The following EIPR1 variants were observed in gnomAD, a reference collection of about 807,000 sequenced individuals.
EIPR1 encodes the protein EARP complex and GARP complex interacting protein 1.
A neutral mutation model predicts 48.1 loss-of-function variants in EIPR1; 25 were observed. The observed-to-expected ratio is 0.52, with a 90% CI of 0.38 to 0.73. EIPR1 has a LOEUF of 0.73. Ranked by LOEUF, EIPR1 falls within the 30% of genes least tolerant of loss-of-function variation. The pLI, the probability that EIPR1 is intolerant of heterozygous loss-of-function variation, is 0.00. For synonymous variants in EIPR1, 204 were observed against 201.9 expected (o/e 1.01, Z -0.09); for missense variants, 415 against 506.2 (o/e 0.82, Z 1.73).
chr2:3,374,845 A>G (rs1185961199), intron 1 of EIPR1, among the ~76,000 whole-genome samples: 17 of 148,114 alleles, frequency 1.1e-4, no homozygotes, highest in Non-Finnish European at 1.6e-4. Context: ...ATCTAGAACC[A>G]GAAATACCAT....
chr2:3,208,725 G>A (rs753551477), intron 5 of EIPR1: 1 of 1,548,614 alleles, frequency 6.5e-7, no homozygotes, highest in South Asian at 1.2e-5. Context: ...TTCCATGCGT[G>A]AGGCTCGTGG....
rs1659957302 is a variant in EIPR1 at position 3,377,776 on chromosome 2, C to T, written c.-87G>A. ...CGTCCCCACCTCGCGGGCGTGTTCC[C>T]AGCGCCCATTCATTCCCTCCCCGCA... On this transcript the variant is annotated 5_prime_UTR_variant, in exon 1 of 9. It introduces an in-frame stop codon into an upstream open reading frame of the 5' UTR. Transcript: ENST00000382125. The T allele has an allele frequency of 8.0e-6, 12 of 1,496,884 alleles. No homozygotes were observed. In the South Asian group the frequency reaches 1.2e-4, roughly 15 times the overall value. 92.7% of individuals were successfully genotyped at this position (1,496,884 alleles called of 1,614,324 possible).
At chr2:3,257,727 A>G (rs1036766074) in intron 3 of EIPR1, among the ~76,000 whole-genome samples, 6 of 152,144 alleles carry the variant, frequency 3.9e-5, no homozygotes, top group African/African-American at 1.4e-4. Context: ...AATTTCCTCA[A>G]AATCGATTTC....
At chr2:3,367,071 T>C (rs1438030548) in intron 1 of EIPR1, among the ~76,000 whole-genome samples, 1 of 137,122 alleles carries the variant, frequency 7.3e-6, no homozygotes, top group Non-Finnish European at 1.6e-5. Flanking sequence ...TAAAAATAAA[T>C]TAAAAATAAA....
chr2:3,257,330 G>T lies in EIPR1; in HGVS notation c.385C>A (p.Leu129Ile). 1 of 1,614,118 alleles carries T rather than the reference G, an allele frequency of 6.2e-7. No homozygotes were observed. Among genetic ancestry groups the T allele is most frequent in the Non-Finnish European group, 8.5e-7 (1 of 1,179,976 alleles). ...TAQTLELLCH[L>I]DNTAHGNMAC... ...ATGTTGCCATGGGCTGTGTTGTCAAGGTGACAGAGCAGCTCCAGGGTCTGT... is the reference window on the plus strand; with the variant it reads ...ATGTTGCCATGGGCTGTGTTGTCAATGTGACAGAGCAGCTCCAGGGTCTGT... Residue 129 changes from leucine (L) to isoleucine (I), a missense_variant, in exon 4 of 9, where the codon CTT becomes ATT. Coordinates refer to ENST00000382125, the MANE Select transcript of EIPR1 (RefSeq NM_003310.5).
chr2:3,231,045 T>G (rs914740474), intron 4 of EIPR1, among the ~76,000 whole-genome samples: 3 of 152,218 alleles, frequency 2.0e-5, no homozygotes, highest in Non-Finnish European at 2.9e-5. Flanking sequence ...TATAGTTTTC[T>G]GTGTACAGAT....
At chr2:3,322,970 C>A (rs1443629931) in intron 3 of EIPR1, among the ~76,000 whole-genome samples, 1 of 152,108 alleles carries the variant, frequency 6.6e-6, no homozygotes, top group Non-Finnish European at 1.5e-5. Flanking sequence ...GTCGCCACAG[C>A]CAATATATAA....
chr2:3,278,405 T>C (rs1558268713), intron 3 of EIPR1, among the ~76,000 whole-genome samples: 1 of 152,118 alleles, frequency 6.6e-6, no homozygotes, highest in Non-Finnish European at 1.5e-5. Context: ...GAACCTGCCT[T>C]TAACCTGTGG....
intron 2 of EIPR1, among the ~76,000 whole-genome samples, chr2:3,349,144 C>T (rs1670492880): frequency 6.6e-6 from 1 of 152,238 alleles, no homozygotes; most frequent in Admixed American, 6.5e-5. Context: ...CAGAGCTGAA[C>T]TGCAAATTCA....
At chr2:3,204,530 G>A (rs1039905075) in intron 5 of EIPR1, among the ~76,000 whole-genome samples, 5 of 152,270 alleles carry the variant, frequency 3.3e-5, no homozygotes, top group Non-Finnish European at 5.9e-5. Context: ...TCTGTTTTTC[G>A]ACATTAAAGA....
intron 1 of EIPR1, among the ~76,000 whole-genome samples, chr2:3,370,970 G>A (rs1351512758): frequency 6.6e-6 from 1 of 152,210 alleles, no homozygotes; most frequent in Non-Finnish European, 1.5e-5. Flanking sequence ...AGGAAAAAAT[G>A]TTAAGCGCAG....
At position 3,284,989 on chromosome 2, in the gene EIPR1, C is replaced by T. The variant is rs141976757; in HGVS notation, c.260-27534G>A. On this transcript the variant is annotated intron_variant, in intron 3 of 8. Transcript: ENST00000382125. ...GACGTGTAGGTATGGATCTTCAATA[C>T]AGCATTGTACAAGGGCAAGATAGTG... 2.4e-3 allele frequency among the ~76,000 whole-genome samples: 369 copies of T among 152,318 alleles called. 2 individuals carry two copies. Among genetic ancestry groups the T allele is most frequent in the African/African-American group, 8.5e-3 (354 of 41,554 alleles).
chr2:3,326,457 C>A (rs532141142), intron 3 of EIPR1, among the ~76,000 whole-genome samples: 3 of 152,210 alleles, frequency 2.0e-5, no homozygotes, highest in Non-Finnish European at 4.4e-5. Flanking sequence ...CCTGCTCCCA[C>A]CATGCCCACC....
chr2:3,300,360 C>G (rs369270432), intron 3 of EIPR1, among the ~76,000 whole-genome samples: 1 of 152,190 alleles, frequency 6.6e-6, no homozygotes, highest in Non-Finnish European at 1.5e-5. Flanking sequence ...CAGCACAGGT[C>G]TATCTAAATG....
chr2:3,333,608 G>A lies in EIPR1; in HGVS notation c.259+4409C>T, dbSNP rs116367101. The stretch of plus-strand genomic sequence containing the variant: ...TTTTAAAAATCAGCCAGATATGGTA[G>A]TGCATACCTGTGGTCCCAGCTAGTT... On this transcript the variant is annotated intron_variant, in intron 3 of 8. Transcript: ENST00000382125. Among the ~76,000 whole-genome samples the A allele has an allele frequency of 7.2e-3, 1,101 of 152,146 alleles. 12 individuals are homozygous for A. Among genetic ancestry groups the A allele is most frequent in the African/African-American group, 0.026 (1,060 of 41,490 alleles).
At chr2:3,270,195 T>G (rs1667662979) in intron 3 of EIPR1, among the ~76,000 whole-genome samples, 1 of 152,192 alleles carries the variant, frequency 6.6e-6, no homozygotes. Flanking sequence ...AAGGAGGGGA[T>G]GTCAGGGCTC....
chr2:3,300,495 C>T (rs911758104), intron 3 of EIPR1, among the ~76,000 whole-genome samples: 21 of 152,328 alleles, frequency 1.4e-4, no homozygotes, highest in Admixed American at 1.3e-3. Flanking sequence ...GGGCTCCCAG[C>T]AGTCTCGCCT....
At position 3,312,391 on chromosome 2, in the gene EIPR1, TG is replaced by T. The variant is rs1461775874; in HGVS notation, c.259+25625del. On this transcript the variant is annotated intron_variant, in intron 3 of 8. Coordinates refer to ENST00000382125, the MANE Select transcript of EIPR1 (RefSeq NM_003310.5). The surrounding 1 kb of genome is among the most constrained non-coding windows in gnomAD (Gnocchi z 5.5). ...CAAAGACAGTCCCTGGAAGGTTCTG[TG>T]TGCCTGCTGTGGGGATGAGACTCAC... Among the ~76,000 whole-genome samples, 1 of 152,168 alleles carries T rather than the reference TG, an allele frequency of 6.6e-6. No individual in the cohort carries two copies. Among genetic ancestry groups the T allele is most frequent in the African/African-American group, 2.4e-5 (1 of 41,428 alleles).
chr2:3,296,350 TAC>T (rs1465808501), intron 3 of EIPR1, among the ~76,000 whole-genome samples: 5 of 91,996 alleles, frequency 5.4e-5, no homozygotes, highest in Non-Finnish European at 6.5e-5. Flanking sequence ...GTTCTCTCTC[TAC>T]ACACACACAC....
Sources: allele counts gnomAD v4.1 joint callset (sites outside exome capture counted in the v4.1 genomes callset), GRCh38; gene constraint gnomAD v4.1.1; non-coding constraint Gnocchi (gnomAD v3.1); transcripts MANE v1.5; gene names NCBI Gene and HGNC (gene_info 2026-07-23, HGNC 2026-07-21).